The following AGBL4 variants were observed in gnomAD, a reference collection of about 807,000 sequenced individuals.
The protein encoded by AGBL4 is AGBL carboxypeptidase 4, also known as cytosolic carboxypeptidase 6.
Under a neutral mutation model 66.4 loss-of-function variants are expected in AGBL4, and 58 were observed. The ratio of observed to expected loss-of-function variants is 0.87; its 90% CI spans 0.71 to 1.09. The LOEUF is 1.09. Ranked by LOEUF, AGBL4 falls within the 50% of genes least tolerant of loss-of-function variation. AGBL4 has a pLI of 0.00. For missense variants in AGBL4, 579 were observed against 631.0 expected, an observed-to-expected ratio of 0.92 and a Z score of 0.88; for synonymous variants, 234 against 222.9, an observed-to-expected ratio of 1.05 and a Z score of -0.44.
intron 3 of AGBL4, among the ~76,000 whole-genome samples, chr1:49,455,810 C>A (rs1053266265): frequency 6.6e-6 from 1 of 151,702 alleles, no homozygotes; most frequent in African/African-American, 2.4e-5. Flanking sequence ...TGTGTTCAAC[C>A]ACACTTACCT....
intron 3 of AGBL4, among the ~76,000 whole-genome samples, chr1:49,551,218 T>G (rs1652925220): frequency 6.6e-6 from 1 of 152,214 alleles, no homozygotes; most frequent in Admixed American, 6.5e-5. Context: ...TTTTTGAATT[T>G]CCTTGCATTG....
At chr1:48,927,010 A>AT (rs1355689300) in intron 5 of AGBL4, among the ~76,000 whole-genome samples, 1 of 151,872 alleles carries the variant, frequency 6.6e-6, no homozygotes, top group Non-Finnish European at 1.5e-5. Flanking sequence ...TCATCCTCTG[A>AT]TTTTTTTCCT....
At chr1:48,586,685 A>C (rs1254775849) in intron 11 of AGBL4, 2 of 308,486 alleles carry the variant, frequency 6.5e-6, no homozygotes, top group Non-Finnish European at 6.2e-6. Context: ...GTGGACTTGC[A>C]TAGCTTAGAT....
chr1:49,529,463 G>C (rs1650925051), intron 3 of AGBL4, among the ~76,000 whole-genome samples: 2 of 152,020 alleles, frequency 1.3e-5, no homozygotes, highest in Non-Finnish European at 2.9e-5. Flanking sequence ...CAGATGACTT[G>C]AGGCCAGGAG....
chr1:48,837,711 C>A (rs11485570), intron 6 of AGBL4, among the ~76,000 whole-genome samples: 2 of 82,310 alleles, frequency 2.4e-5, no homozygotes, highest in East Asian at 6.9e-4. Context: ...CACACACACA[C>A]TATATATATA....
chr1:49,351,391 C>T (rs1643903485), intron 3 of AGBL4, among the ~76,000 whole-genome samples: 1 of 152,048 alleles, frequency 6.6e-6, no homozygotes, highest in African/African-American at 2.4e-5. Flanking sequence ...CTAGGTTTTC[C>T]ACTCATAGTG....
intron 5 of AGBL4, among the ~76,000 whole-genome samples, chr1:49,040,968 T>C (rs1375826000): frequency 3.9e-5 from 6 of 152,100 alleles, no homozygotes; most frequent in African/African-American, 1.4e-4. Context: ...AGTAAAAATA[T>C]CTTTCTCATG....
intron 4 of AGBL4, among the ~76,000 whole-genome samples, chr1:49,242,785 C>T (rs1651337256): frequency 6.6e-6 from 1 of 151,810 alleles, no homozygotes; most frequent in South Asian, 2.1e-4. Context: ...AATCTTCCAG[C>T]TTCTCCATTT....
At chr1:49,072,059 C>G (rs994317702) in intron 4 of AGBL4, among the ~76,000 whole-genome samples, 1 of 151,988 alleles carries the variant, frequency 6.6e-6, no homozygotes, top group African/African-American at 2.4e-5. Flanking sequence ...GAGACTAGGA[C>G]TGCAACACCT....
intron 5 of AGBL4, among the ~76,000 whole-genome samples, chr1:48,937,126 G>A (rs937703408): frequency 2.6e-5 from 4 of 152,198 alleles, no homozygotes; most frequent in African/African-American, 9.6e-5. Context: ...CATAGTACTT[G>A]AATCTAAGCA....
At chr1:49,530,882 G>A (rs1443753053) in intron 3 of AGBL4, among the ~76,000 whole-genome samples, 1 of 151,976 alleles carries the variant, frequency 6.6e-6, no homozygotes, top group African/African-American at 2.4e-5. Flanking sequence ...AAAGCAACTA[G>A]ACAAATTACT....
At chr1:49,207,590 C>CTTTA (rs1648326135) in intron 4 of AGBL4, among the ~76,000 whole-genome samples, 1 of 106,640 alleles carries the variant, frequency 9.4e-6, no homozygotes, top group Non-Finnish European at 2.0e-5. Context: ...TTCTTTCTTT[C>CTTTA]TTTCTTTCTT....
At chr1:50,023,519 C>G (rs984023861) in intron 1 of AGBL4, among the ~76,000 whole-genome samples, 1 of 152,192 alleles carries the variant, frequency 6.6e-6, no homozygotes, top group Non-Finnish European at 1.5e-5. Context: ...CTTTCGGGCC[C>G]ATGTTCTGTC....
chr1:49,566,976 T>G (rs970734814), intron 3 of AGBL4, among the ~76,000 whole-genome samples: 3 of 152,178 alleles, frequency 2.0e-5, no homozygotes, highest in Non-Finnish European at 4.4e-5. Flanking sequence ...GCTGCTTTGT[T>G]TACCTACTCA....
chr1:49,218,505 G>A (rs551345413), intron 4 of AGBL4, among the ~76,000 whole-genome samples: 1 of 151,892 alleles, frequency 6.6e-6, no homozygotes, highest in East Asian at 1.9e-4. Context: ...CTTATCCAAA[G>A]TTACATAGCT....
intron 3 of AGBL4, among the ~76,000 whole-genome samples, chr1:49,606,198 G>C (rs1645060531): frequency 6.6e-6 from 1 of 152,048 alleles, no homozygotes; most frequent in South Asian, 2.1e-4. Context: ...TGGCAAAAAA[G>C]GCAGAAATCT....
intron 4 of AGBL4, among the ~76,000 whole-genome samples, chr1:49,152,374 C>T (rs1012070390): frequency 2.6e-5 from 4 of 152,136 alleles, no homozygotes; most frequent in Non-Finnish European, 4.4e-5. Flanking sequence ...CTGTCAGTCA[C>T]GTGTGGAACC....
intron 2 of AGBL4, among the ~76,000 whole-genome samples, chr1:49,829,534 C>A (rs941144981): frequency 2.0e-5 from 3 of 152,104 alleles, no homozygotes; most frequent in Non-Finnish European, 4.4e-5. Context: ...ACAAATCAGA[C>A]TATAAAAAAT....
intron 1 of AGBL4, among the ~76,000 whole-genome samples, chr1:49,859,688 C>T (rs2148080072): frequency 6.6e-6 from 1 of 151,764 alleles, no homozygotes; most frequent in South Asian, 2.1e-4. Context: ...AAAATTACCC[C>T]CCAGTATTGT....
Sources: allele counts gnomAD v4.1 joint callset (sites outside exome capture counted in the v4.1 genomes callset), GRCh38; gene constraint gnomAD v4.1.1; transcripts MANE v1.5; gene names NCBI Gene and HGNC (gene_info 2026-07-23, HGNC 2026-07-21).